The following FHIT variants were observed in gnomAD, a reference collection of about 807,000 sequenced individuals.
The protein encoded by FHIT is fragile histidine triad diadenosine triphosphatase, also known as bis(5'-adenosyl)-triphosphatase.
In FHIT, 19 loss-of-function variants were observed where a neutral mutation model predicts 17.9. That is an observed-to-expected ratio of 1.06 (90% confidence interval 0.74 to 1.56). FHIT has a LOEUF of 1.56. Ranked by LOEUF, FHIT falls within the 40% of genes most tolerant of loss-of-function variation. FHIT has a pLI of 0.00. For synonymous variants in FHIT, 81 were observed against 69.7 expected, an observed-to-expected ratio of 1.16 and a Z score of -0.81; for missense variants, 248 against 189.2, an observed-to-expected ratio of 1.31 and a Z score of -1.82.
intron 4 of FHIT, among the ~76,000 whole-genome samples, chr3:60,698,183 T>A (rs1026290730): frequency 1.3e-5 from 2 of 152,184 alleles, no homozygotes; most frequent in Non-Finnish European, 2.9e-5. Flanking sequence ...ACCTTTCAAA[T>A]AGTGCTTGCT....
intron 2 of FHIT, among the ~76,000 whole-genome samples, chr3:61,042,810 A>C (rs2033584675): frequency 6.6e-6 from 1 of 151,810 alleles, no homozygotes; most frequent in African/African-American, 2.4e-5. Flanking sequence ...ACTGCACTCC[A>C]GCCTGGGTGA....
At chr3:60,409,369 G>C (rs1323626368) in intron 5 of FHIT, among the ~76,000 whole-genome samples, 1 of 152,184 alleles carries the variant, frequency 6.6e-6, no homozygotes, top group Non-Finnish European at 1.5e-5. Flanking sequence ...TGAAATTTGA[G>C]ACCAATCTGT....
At chr3:60,667,636 T>C (rs1553692796) in intron 4 of FHIT, among the ~76,000 whole-genome samples, 1 of 152,216 alleles carries the variant, frequency 6.6e-6, no homozygotes, top group Non-Finnish European at 1.5e-5. Flanking sequence ...TCTTTTCTCA[T>C]TCAATTTGTG....
At chr3:60,300,664 A>T (rs543466522) in intron 5 of FHIT, among the ~76,000 whole-genome samples, 15 of 152,106 alleles carry the variant, frequency 9.9e-5, no homozygotes, top group African/African-American at 3.6e-4. Context: ...CTCCGATGAT[A>T]AACTCCCTGC....
chr3:60,619,219 A>G (rs2039042875), intron 4 of FHIT, among the ~76,000 whole-genome samples: 1 of 152,208 alleles, frequency 6.6e-6, no homozygotes, highest in Non-Finnish European at 1.5e-5. Flanking sequence ...CTGTTCTAGA[A>G]TCACTGTCGT....
In FHIT at chr3:60,833,734, A is replaced by C. The variant is rs550501262; in HGVS notation, c.-110-11723T>G. 1.2e-4 allele frequency among the ~76,000 whole-genome samples: 18 copies of C among 152,304 alleles called. No individual in the cohort carries two copies. In the South Asian group the frequency reaches 3.7e-3, roughly 32 times the overall value. ...ATATTGACAATGACACATTCAAAAC[A>C]CAGAATGTGTCCATCCCAGGGATCC... On this transcript the variant is annotated intron_variant, in intron 3 of 9. Coordinates refer to ENST00000492590, the MANE Select transcript of FHIT (RefSeq NM_002012.4).
chr3:60,991,064 G>A (rs925992556), intron 3 of FHIT, among the ~76,000 whole-genome samples: 1 of 152,154 alleles, frequency 6.6e-6, no homozygotes, highest in Admixed American at 6.5e-5. Flanking sequence ...GTAAGTCAAC[G>A]TGATAGAGAG....
intron 5 of FHIT, among the ~76,000 whole-genome samples, chr3:60,435,316 T>C (rs1418136583): frequency 3.9e-5 from 6 of 152,200 alleles, no homozygotes; most frequent in Non-Finnish European, 7.4e-5. Context: ...CTTAGTGTTA[T>C]TGGACTTGAT....
chr3:60,535,148 C>T lies in FHIT; in HGVS notation c.103+1712G>A, dbSNP rs529694994. 2.6e-5 allele frequency among the ~76,000 whole-genome samples: 4 copies of T among 152,228 alleles called. No individual in the cohort carries two copies. In the East Asian group the frequency reaches 5.8e-4, roughly 22 times the overall value. On this transcript the variant is annotated intron_variant, in intron 5 of 9. Transcript: ENST00000492590. ...CTGTGGCACAAGAATCGGTTGAACC[C>T]GGGAGGCAGAGATTGTACTGAGCCA...
At chr3:61,018,038 T>C (rs9851218) in intron 3 of FHIT, among the ~76,000 whole-genome samples, 3,473 of 152,248 alleles carry the variant, frequency 0.023, 63 homozygotes, top group African/African-American at 0.05. Context: ...ATAATGGCAA[T>C]TACTCATTGA....
intron 3 of FHIT, among the ~76,000 whole-genome samples, chr3:60,829,378 T>C (rs2106807528): frequency 6.6e-6 from 1 of 152,338 alleles, no homozygotes; most frequent in South Asian, 2.1e-4. Flanking sequence ...AATAATTCCC[T>C]TTCTTCTTAG....
At chr3:59,958,856 T>G (rs530216040) in intron 7 of FHIT, among the ~76,000 whole-genome samples, 4 of 149,294 alleles carry the variant, frequency 2.7e-5, no homozygotes, top group Non-Finnish European at 6.0e-5. Flanking sequence ...CCCAACTTTC[T>G]CCTCTTATAT....
intron 5 of FHIT, among the ~76,000 whole-genome samples, chr3:60,256,741 C>T (rs1319114138): frequency 6.6e-6 from 1 of 152,188 alleles, no homozygotes; most frequent in African/African-American, 2.4e-5. Context: ...CATCATAATT[C>T]TAATCATACA....
intron 4 of FHIT, among the ~76,000 whole-genome samples, chr3:60,570,737 TAA>T (rs10637926): frequency 7.5e-6 from 1 of 132,526 alleles, no homozygotes; most frequent in African/African-American, 2.8e-5. Flanking sequence ...ATTAAAAAAT[TAA>T]AAAAAAAAAA....
At chr3:59,759,396 G>T (rs1258985887) in intron 8 of FHIT, among the ~76,000 whole-genome samples, 2 of 152,104 alleles carry the variant, frequency 1.3e-5, no homozygotes, top group Non-Finnish European at 2.9e-5. Context: ...TGGGAGAGGG[G>T]GCTCATTTGC....
At chr3:61,197,027 G>C (rs2038871694) in intron 2 of FHIT, among the ~76,000 whole-genome samples, 1 of 152,148 alleles carries the variant, frequency 6.6e-6, no homozygotes, top group Non-Finnish European at 1.5e-5. Flanking sequence ...GCACAAATGT[G>C]AATACCCAGC....
At chr3:60,536,813 T>A in intron 5 of FHIT, 47 bp downstream of exon 5, 1 of 1,555,128 alleles carries the variant, frequency 6.4e-7, no homozygotes, top group Non-Finnish European at 8.6e-7. Flanking sequence ...CTGGTTAGGC[T>A]CAGAAGACTT....
intron 5 of FHIT, among the ~76,000 whole-genome samples, chr3:60,114,489 C>CATTTTTTTTTTTTTTT (rs1704860358): frequency 1.6e-5 from 1 of 61,602 alleles, no homozygotes; most frequent in Non-Finnish European, 2.9e-5. Context: ...AAGAGAAATC[C>CATTTTTTTTTTTTTTT]TTTTTTTTTT....
intron 8 of FHIT, among the ~76,000 whole-genome samples, chr3:59,834,092 C>T (rs1274333649): frequency 2.0e-5 from 3 of 152,112 alleles, no homozygotes; most frequent in Admixed American, 1.3e-4. Context: ...TATCTATGTC[C>T]ACACAATATC....
Sources: gnomAD v4.1 joint callset for allele counts (sites outside exome capture counted in the v4.1 genomes callset) on GRCh38, gnomAD v4.1.1 for gene constraint, MANE v1.5 for transcripts, NCBI Gene and HGNC (gene_info 2026-07-23, HGNC 2026-07-21) for gene names.